AGBL1: variants seen among roughly 807,000 people sequenced by gnomAD.
AGBL1 encodes cytosolic carboxypeptidase 4.
AGBL1 carries 130 observed loss-of-function variants against 118.9 expected under a neutral mutation model. The observed-to-expected ratio is 1.09, with a 90% CI of 0.95 to 1.26. AGBL1 has a LOEUF of 1.26. AGBL1 is among the 50% of genes most tolerant of loss of function. AGBL1 has a pLI of 0.00. For synonymous variants in AGBL1, 555 were observed against 478.9 expected (o/e 1.16, Z -2.08); for missense variants, 1,584 against 1,298.1 (o/e 1.22, Z -3.38).
In AGBL1 at chr15:86,397,268, A is replaced by G. The variant is rs976574792; in HGVS notation, c.2375-98A>G. ...ACAATGGAAAATGTATTTTTAATAA[A>G]AATTAGTATCAAAGAAGCAAAAAAG... On this transcript the variant is annotated intron_variant, in intron 17 of 22. Coordinates refer to ENST00000614907, the MANE Select transcript of AGBL1 (RefSeq NM_001386094.1). The G allele has an allele frequency of 8.9e-5, 76 of 851,564 alleles. No individual in the cohort carries two copies. In the Admixed American group the frequency reaches 9.1e-4, roughly 10 times the overall value. The allele number at this position is 851,564 out of a possible 1,614,324, so 52.8% of individuals were successfully genotyped here.
At chr15:86,514,605 G>A (rs1225567307) in intron 18 of AGBL1, among the ~76,000 whole-genome samples, 1 of 152,026 alleles carries the variant, frequency 6.6e-6, no homozygotes, top group Non-Finnish European at 1.5e-5. Context: ...ATATGAATAT[G>A]TGAAATGTTA....
intron 22 of AGBL1, among the ~76,000 whole-genome samples, chr15:86,684,985 C>T (rs534316776): frequency 6.6e-6 from 1 of 152,136 alleles, no homozygotes; most frequent in Admixed American, 6.5e-5. Flanking sequence ...AAACAGAAGC[C>T]TTACTAGTGC....
chr15:86,743,086 C>A (rs949747517), intron 22 of AGBL1, among the ~76,000 whole-genome samples: 1 of 152,052 alleles, frequency 6.6e-6, no homozygotes, highest in East Asian at 1.9e-4. Flanking sequence ...TCCCAAGGAG[C>A]GTGGTCACAG....
At chr15:86,537,288 G>T (rs967666678) in intron 19 of AGBL1, among the ~76,000 whole-genome samples, 11 of 152,202 alleles carry the variant, frequency 7.2e-5, no homozygotes, top group African/African-American at 2.7e-4. Flanking sequence ...ATAACCATCT[G>T]CTCTGATTGG....
chr15:86,558,330 C>G (rs188782182), intron 21 of AGBL1, among the ~76,000 whole-genome samples: 4 of 152,162 alleles, frequency 2.6e-5, no homozygotes, highest in African/African-American at 7.2e-5. Context: ...TCCTCCCTAC[C>G]TGCAGCCTAC....
At chr15:86,583,184 C>CA (rs757089819) in intron 21 of AGBL1, among the ~76,000 whole-genome samples, 6 of 151,686 alleles carry the variant, frequency 4.0e-5, no homozygotes, top group Non-Finnish European at 8.8e-5. Context: ...ATGTTAGAGT[C>CA]AGGGAGTACA....
chr15:86,198,183 C>T (rs1273761746), intron 5 of AGBL1, among the ~76,000 whole-genome samples: 1 of 152,146 alleles, frequency 6.6e-6, no homozygotes, highest in African/African-American at 2.4e-5. Flanking sequence ...TCATCTCTTT[C>T]TTTGGTCTGA....
At chr15:86,384,289 T>A (rs1352365502) in intron 17 of AGBL1, among the ~76,000 whole-genome samples, 1 of 152,060 alleles carries the variant, frequency 6.6e-6, no homozygotes, top group Non-Finnish European at 1.5e-5. Context: ...ACCAGGGAGA[T>A]CTAGGGGCAA....
At chr15:86,525,468 A>T (rs2083250673) in intron 19 of AGBL1, among the ~76,000 whole-genome samples, 1 of 152,192 alleles carries the variant, frequency 6.6e-6, no homozygotes, top group South Asian at 2.1e-4. Flanking sequence ...GCATCACATT[A>T]CTGGATTTCA....
At chr15:86,416,403 T>C (rs1340125874) in intron 18 of AGBL1, among the ~76,000 whole-genome samples, 1 of 152,002 alleles carries the variant, frequency 6.6e-6, no homozygotes, top group Non-Finnish European at 1.5e-5. Flanking sequence ...AAAATTTGAG[T>C]GTTTATGAGT....
At chr15:86,805,352 A>G (rs1277165945) in intron 22 of AGBL1, among the ~76,000 whole-genome samples, 1 of 152,130 alleles carries the variant, frequency 6.6e-6, no homozygotes, top group African/African-American at 2.4e-5. Context: ...GCACGCCACA[A>G]GACTTTCTGC....
intron 21 of AGBL1, among the ~76,000 whole-genome samples, chr15:86,566,019 G>A (rs2083908195): frequency 6.6e-6 from 1 of 152,216 alleles, no homozygotes; most frequent in Non-Finnish European, 1.5e-5. Context: ...TTTTCCAGGT[G>A]CCATCTGTCA....
intron 18 of AGBL1, among the ~76,000 whole-genome samples, chr15:86,410,963 T>C (rs1450543877): frequency 7.4e-6 from 1 of 136,018 alleles, no homozygotes; most frequent in Non-Finnish European, 1.5e-5. Flanking sequence ...AGAGAGATCT[T>C]GTTAAAGTTT....
chr15:86,259,167 C>T (rs1006658619), intron 9 of AGBL1, among the ~76,000 whole-genome samples: 1 of 152,220 alleles, frequency 6.6e-6, no homozygotes, highest in Non-Finnish European at 1.5e-5. Flanking sequence ...CAGCATTCCT[C>T]ACCTCTACCC....
At chr15:86,960,838 A>G (rs1317724571) in intron 23 of AGBL1, among the ~76,000 whole-genome samples, 1 of 152,116 alleles carries the variant, frequency 6.6e-6, no homozygotes, top group Non-Finnish European at 1.5e-5. Flanking sequence ...CCAGACAGAA[A>G]AACAAACGCT....
chr15:86,472,854 G>T (rs1295003790), intron 18 of AGBL1, among the ~76,000 whole-genome samples: 1 of 152,202 alleles, frequency 6.6e-6, no homozygotes. Flanking sequence ...AAAAGGCAAA[G>T]GTTGCAGTGA....
chr15:86,191,348 C>CAAAAAAAAAAAA (rs869108108), intron 5 of AGBL1, among the ~76,000 whole-genome samples: 3 of 65,118 alleles, frequency 4.6e-5, no homozygotes, highest in African/African-American at 2.5e-4. Context: ...AACTTTGTCT[C>CAAAAAAAAAAAA]AAAAAAAAAA....
At chr15:86,708,342 C>T in intron 22 of AGBL1, among the ~76,000 whole-genome samples, 1 of 152,044 alleles carries the variant, frequency 6.6e-6, no homozygotes, top group Non-Finnish European at 1.5e-5. Context: ...ATTCTCTCTG[C>T]AGGTGTACAC....
At chr15:86,521,716 G>A (rs1470109876) in intron 18 of AGBL1, among the ~76,000 whole-genome samples, 3 of 152,166 alleles carry the variant, frequency 2.0e-5, no homozygotes. Context: ...TCTTAGGGCT[G>A]TTGCAGCACA....
Sources: allele counts gnomAD v4.1 joint callset (sites outside exome capture counted in the v4.1 genomes callset), GRCh38; gene constraint gnomAD v4.1.1; transcripts MANE v1.5; gene names NCBI Gene and HGNC (gene_info 2026-07-23, HGNC 2026-07-21).